Variants in TSPAN11 observed in about 807,000 individuals in gnomAD.
TSPAN11 encodes tetraspanin 11, also known as tetraspanin-11.
Under a neutral mutation model 32.9 loss-of-function variants are expected in TSPAN11, and 29 were observed. The observed-to-expected ratio is 0.88, with a 90% confidence interval of 0.66 to 1.20. The LOEUF (loss-of-function observed/expected upper bound fraction) is 1.20. Ranked by LOEUF, TSPAN11 falls within the 50% of genes most tolerant of loss-of-function variation. The pLI, the probability that TSPAN11 is intolerant of heterozygous loss-of-function variation, is 0.00. For missense variants in TSPAN11, 283 were observed against 329.1 expected (o/e 0.86, Z 1.08); for synonymous variants, 140 against 141.3 (o/e 0.99, Z 0.07).
intron 1 of TSPAN11, among the ~76,000 whole-genome samples, chr12:30,938,975 A>G (rs1938100994): frequency 6.6e-6 from 1 of 152,038 alleles, no homozygotes; most frequent in African/African-American, 2.4e-5. Flanking sequence ...GCTCACTCCT[A>G]TAATCCCAGC....
intron 1 of TSPAN11, among the ~76,000 whole-genome samples, chr12:30,951,620 G>A (rs969339437): frequency 2.0e-5 from 3 of 152,200 alleles, no homozygotes; most frequent in Non-Finnish European, 2.9e-5. Flanking sequence ...GAAATAATGA[G>A]TGTAAAGCAC....
downstream of TSPAN11, among the ~76,000 whole-genome samples, chr12:31,001,370 T>C (rs562178968): frequency 2.0e-5 from 3 of 152,286 alleles, no homozygotes; most frequent in East Asian, 5.8e-4. Flanking sequence ...CTGGAGGGCC[T>C]CCTTCTCCCC....
chr12:30,986,291 C>T (rs1939199393), intron 7 of TSPAN11, among the ~76,000 whole-genome samples: 1 of 152,220 alleles, frequency 6.6e-6, no homozygotes, highest in Admixed American at 6.5e-5. Flanking sequence ...ATAGCCCCAC[C>T]TCTTGCTGTG....
intron 1 of TSPAN11, among the ~76,000 whole-genome samples, chr12:30,948,590 G>A (rs892873028): frequency 6.6e-6 from 1 of 152,188 alleles, no homozygotes; most frequent in Non-Finnish European, 1.5e-5. Context: ...AGTTACAGCT[G>A]GAGCAGCTGG....
the TSPAN11 span, among the ~76,000 whole-genome samples, chr12:31,004,138 CCTGGCTAG>C: frequency 5.3e-5 from 8 of 152,168 alleles, no homozygotes; most frequent in Non-Finnish European, 1.2e-4. Flanking sequence ...TGCACTGGAT[CCTGGCTAG>C]TGGATAACCT....
intron 7 of TSPAN11, among the ~76,000 whole-genome samples, chr12:30,989,866 A>T (rs915615418): frequency 2.0e-5 from 3 of 152,306 alleles, no homozygotes; most frequent in Admixed American, 6.5e-5. Context: ...AAAATGTCCC[A>T]TGTGTGGCCA....
intron 5 of TSPAN11, among the ~76,000 whole-genome samples, chr12:30,982,296 A>AAAAGCTGG (rs1939107522): frequency 6.6e-6 from 1 of 152,232 alleles, no homozygotes; most frequent in Non-Finnish European, 1.5e-5. Context: ...TGGGTGGCTA[A>AAAAGCTGG]AAAGCTGGCA....
intron 2 of TSPAN11, among the ~76,000 whole-genome samples, chr12:30,956,346 A>G (rs1004671556): frequency 6.6e-6 from 1 of 152,178 alleles, no homozygotes; most frequent in Non-Finnish European, 1.5e-5. Flanking sequence ...TGTGTGATGC[A>G]CTCAGATATT....
At chr12:30,937,208 T>A (rs1478330543) in intron 1 of TSPAN11, among the ~76,000 whole-genome samples, 1 of 152,078 alleles carries the variant, frequency 6.6e-6, no homozygotes, top group East Asian at 1.9e-4. Flanking sequence ...AGTGGTGGGG[T>A]GCAGGATGAA....
intron 5 of TSPAN11, among the ~76,000 whole-genome samples, chr12:30,981,701 T>C (rs1201704809): frequency 6.6e-6 from 1 of 152,194 alleles, no homozygotes; most frequent in African/African-American, 2.4e-5. Flanking sequence ...CACGCGACAG[T>C]GGATGCTAAG....
chr12:30,941,814 C>CT (rs1170968650), intron 1 of TSPAN11, among the ~76,000 whole-genome samples: 1 of 152,258 alleles, frequency 6.6e-6, no homozygotes, highest in African/African-American at 2.4e-5. Context: ...CCAACCCCAC[C>CT]AAGGGTTCTC....
intron 1 of TSPAN11, among the ~76,000 whole-genome samples, chr12:30,948,014 A>C (rs1396613097): frequency 6.6e-6 from 1 of 152,186 alleles, no homozygotes; most frequent in Non-Finnish European, 1.5e-5. Context: ...TGGCCAAAAC[A>C]AAGGGGTTAC....
intron 1 of TSPAN11, among the ~76,000 whole-genome samples, chr12:30,933,038 G>A (rs1307579403): frequency 6.6e-6 from 1 of 152,158 alleles, no homozygotes; most frequent in Non-Finnish European, 1.5e-5. Context: ...CCACCCCATA[G>A]GCTAGACTCT....
At chr12:30,928,147 A>T (rs1256177702) in intron 1 of TSPAN11, among the ~76,000 whole-genome samples, 1 of 152,156 alleles carries the variant, frequency 6.6e-6, no homozygotes, top group Non-Finnish European at 1.5e-5. Context: ...GGCCTGTGTG[A>T]TTCCCCATAG....
chr12:30,943,562 T>G (rs1165415056), intron 1 of TSPAN11, among the ~76,000 whole-genome samples: 1 of 152,240 alleles, frequency 6.6e-6, no homozygotes, highest in Admixed American at 6.5e-5. Flanking sequence ...AACACTGGCC[T>G]GGGAGACAGG....
intron 3 of TSPAN11, among the ~76,000 whole-genome samples, chr12:30,965,366 C>G (rs1938708520): frequency 6.6e-6 from 1 of 152,192 alleles, no homozygotes; most frequent in Non-Finnish European, 1.5e-5. Context: ...GCCACGTGCT[C>G]TCACCTGCCT....
At chr12:30,981,500 G>A (rs779156775) in intron 5 of TSPAN11, among the ~76,000 whole-genome samples, 2 of 152,166 alleles carry the variant, frequency 1.3e-5, no homozygotes, top group Non-Finnish European at 2.9e-5. Context: ...GCACAGACCA[G>A]CAGAGTCACG....
At chr12:30,928,825 A>G (rs1474318266) in intron 1 of TSPAN11, among the ~76,000 whole-genome samples, 1 of 152,140 alleles carries the variant, frequency 6.6e-6, no homozygotes, top group Non-Finnish European at 1.5e-5. Context: ...TGATCACATC[A>G]TTGTTCCTTC....
chr12:30,969,250 C>T (rs985720951), intron 3 of TSPAN11, among the ~76,000 whole-genome samples: 1 of 152,218 alleles, frequency 6.6e-6, no homozygotes, highest in East Asian at 1.9e-4. Context: ...GTCCCCATGC[C>T]TGGAAACTGG....
Sources: allele counts gnomAD v4.1 joint callset (sites outside exome capture counted in the v4.1 genomes callset), GRCh38; gene constraint gnomAD v4.1.1; transcripts MANE v1.5; gene names NCBI Gene and HGNC (gene_info 2026-07-23, HGNC 2026-07-21).